The following ADAM23 variants were observed in gnomAD, a reference collection of about 807,000 sequenced individuals.
The protein encoded by ADAM23 is disintegrin and metalloproteinase domain-containing protein 23.
A neutral mutation model predicts 120.1 loss-of-function variants in ADAM23; 33 were observed. The observed-to-expected ratio is 0.27, with a 90% confidence interval of 0.21 to 0.37. The LOEUF is 0.37. Ranked by LOEUF, ADAM23 falls within the 10% of genes least tolerant of loss-of-function variation. The pLI, the probability that ADAM23 is intolerant of heterozygous loss-of-function variation, is 1.00. For synonymous variants in ADAM23, 367 were observed against 375.2 expected, an observed-to-expected ratio of 0.98 and a Z score of 0.25; for missense variants, 862 against 1,058.2, an observed-to-expected ratio of 0.81 and a Z score of 2.57.
At chr2:206,485,504 C>A (rs933122751) in intron 3 of ADAM23, among the ~76,000 whole-genome samples, 4 of 152,202 alleles carry the variant, frequency 2.6e-5, no homozygotes, top group Admixed American at 2.6e-4. Flanking sequence ...ACCATAGAAT[C>A]TTCAGAGTTG....
intron 23 of ADAM23, among the ~76,000 whole-genome samples, chr2:206,595,182 CA>C (rs1698501513): frequency 6.6e-6 from 1 of 152,016 alleles, no homozygotes; most frequent in African/African-American, 2.4e-5. Context: ...TCCATCTCAA[CA>C]ACAACAACAA....
chr2:206,482,168 A>G (rs983701361), intron 3 of ADAM23, among the ~76,000 whole-genome samples: 1 of 152,254 alleles, frequency 6.6e-6, no homozygotes, highest in Non-Finnish European at 1.5e-5. Flanking sequence ...AATTTTTTGT[A>G]TGCCAAATTC....
intron 19 of ADAM23, 125 bp downstream of exon 19, chr2:206,587,500 G>A: frequency 1.5e-6 from 1 of 658,880 alleles, no homozygotes. Context: ...TATTATAGTG[G>A]GATTCTAATT....
intron 3 of ADAM23, among the ~76,000 whole-genome samples, chr2:206,508,066 G>C (rs1033774468): frequency 2.6e-5 from 4 of 151,790 alleles, no homozygotes; most frequent in Non-Finnish European, 5.9e-5. Flanking sequence ...GTCTCGCTCT[G>C]TTTCCCAGGC....
chr2:206,588,830 C>T (rs1698374484), intron 20 of ADAM23, among the ~76,000 whole-genome samples: 1 of 152,176 alleles, frequency 6.6e-6, no homozygotes, highest in Non-Finnish European at 1.5e-5. Context: ...AGGGCTCTGG[C>T]ATGAGTGATT....
chr2:206,547,744 A>G (rs1697429863), intron 7 of ADAM23, among the ~76,000 whole-genome samples: 1 of 152,302 alleles, frequency 6.6e-6, no homozygotes, highest in East Asian at 1.9e-4. Flanking sequence ...AGTGTGGTCA[A>G]ATTTAGTACA....
At chr2:206,576,887 G>A (rs561215988) in intron 18 of ADAM23, among the ~76,000 whole-genome samples, 18 of 152,194 alleles carry the variant, frequency 1.2e-4, no homozygotes, top group African/African-American at 4.1e-4. Flanking sequence ...AATGTTTTTT[G>A]TTAGTGCTAT....
Position 206,443,985 on chromosome 2 carries a change from G to C in ADAM23, c.119G>C (p.Arg40Pro). 3.6e-6 allele frequency: 5 copies of C among 1,378,394 alleles called. No homozygotes were observed. Among genetic ancestry groups the C allele is most frequent in the Non-Finnish European group, 4.7e-6 (5 of 1,062,100 alleles). The allele number at this position is 1,378,394 out of a possible 1,614,324, so 85.4% of individuals were successfully genotyped here. Residue 40 changes from arginine to proline, a missense_variant, in exon 1 of 26, where the codon CGC becomes CCC. Physicochemically the swap from Arg to Pro is moderately radical, Grantham distance 103. This residue lies in a region of ADAM23 where 225 missense variants were observed against 204.0 expected (regional missense o/e 1.10). Coordinates refer to ENST00000264377, the MANE Select transcript of ADAM23 (RefSeq NM_003812.4). ...TCGGTGCCTGCCAGCGCCCCGGCCC[G>C]CACGCCGCCCTGCCGCCTGCTTCTC... The part of the protein sequence containing the change: ...AGSVPASAPA[R>P]TPPCRLLLVL...
At chr2:206,447,307 T>C (rs1028606414) in intron 2 of ADAM23, among the ~76,000 whole-genome samples, 1 of 152,370 alleles carries the variant, frequency 6.6e-6, no homozygotes, top group East Asian at 1.9e-4. Context: ...GAAATCGTAT[T>C]TGAAAGCATT....
chr2:206,597,795 G>C (rs1258539693), intron 24 of ADAM23, among the ~76,000 whole-genome samples: 1 of 152,128 alleles, frequency 6.6e-6, no homozygotes, highest in East Asian at 1.9e-4. Context: ...TTGGATGAAA[G>C]TTTATTGAAA....
At position 206,445,301 on chromosome 2, in the gene ADAM23, C is replaced by CA. The variant is rs748448664; in HGVS notation, c.215-5dup. On this transcript the variant is annotated splice_polypyrimidine_tract_variant and splice_region_variant and intron_variant, in intron 1 of 25. Coordinates refer to ENST00000264377, the MANE Select transcript of ADAM23 (RefSeq NM_003812.4). ...TTCTGCTCCCCCACCCCCCTACCTC[C>CA]ACCAGCTCCGCATTGGAATGAAACT... The CA allele has an allele frequency of 3.1e-6, 5 of 1,612,890 alleles. No individual in the cohort carries two copies. Among genetic ancestry groups the CA allele is most frequent in the Non-Finnish European group, 4.2e-6 (5 of 1,179,014 alleles).
intron 4 of ADAM23, among the ~76,000 whole-genome samples, chr2:206,541,175 A>G (rs1697284030): frequency 6.6e-6 from 1 of 151,512 alleles, no homozygotes; most frequent in South Asian, 2.1e-4. Context: ...CCAAGAAAAA[A>G]ATAAAAATAA....
intron 4 of ADAM23, among the ~76,000 whole-genome samples, 181 bp downstream of exon 4, chr2:206,531,129 T>C (rs185552411): frequency 4.6e-3 from 700 of 152,310 alleles, no homozygotes; most frequent in Middle Eastern, 0.02. Context: ...TAACGTTAGG[T>C]ATTCAGGACA....
intron 2 of ADAM23, among the ~76,000 whole-genome samples, chr2:206,468,467 A>G (rs1251711700): frequency 6.6e-6 from 1 of 152,174 alleles, no homozygotes; most frequent in Admixed American, 6.5e-5. Flanking sequence ...CAGTCCAGCC[A>G]AAGTATAATA....
chr2:206,443,774 C>G lies in ADAM23; in HGVS notation c.-93C>G, dbSNP rs1695009745. The stretch of plus-strand genomic sequence containing the variant: ...CTGCCCGCCGCGGCACCATGCGCGC[C>G]GAGCCGGCGTGACCGGCTCCGCCCG... On this transcript the variant is annotated 5_prime_UTR_variant, in exon 1 of 26. Transcript: ENST00000264377. 1 of 690,898 alleles carries G rather than the reference C, an allele frequency of 1.4e-6. No individual in the cohort carries two copies. Among genetic ancestry groups the G allele is most frequent in the Non-Finnish European group, 1.8e-6 (1 of 560,376 alleles). The allele number at this position is 690,898 out of a possible 1,614,324, so 42.8% of individuals were successfully genotyped here. A position where few individuals can be genotyped will look rare whatever the true frequency, so the allele number is the denominator to read the frequency against.
At chr2:206,588,840 T>C (rs913471216) in intron 20 of ADAM23, among the ~76,000 whole-genome samples, 47 of 152,320 alleles carry the variant, frequency 3.1e-4, no homozygotes, top group African/African-American at 1.1e-3. Context: ...CATGAGTGAT[T>C]TTAGAGTTTG....
intron 9 of ADAM23, among the ~76,000 whole-genome samples, chr2:206,553,044 G>A (rs536648148): frequency 6.6e-6 from 1 of 152,044 alleles, no homozygotes; most frequent in African/African-American, 2.4e-5. Flanking sequence ...AAAAAGAATT[G>A]TAATTTGTAC....
At chr2:206,507,528 A>G (rs986199202) in intron 3 of ADAM23, among the ~76,000 whole-genome samples, 2 of 152,134 alleles carry the variant, frequency 1.3e-5, no homozygotes, top group African/African-American at 4.8e-5. Flanking sequence ...AGATGCCACC[A>G]TGCTTCCTGT....
chr2:206,474,627 T>C (rs967016568), intron 2 of ADAM23, among the ~76,000 whole-genome samples: 1 of 152,166 alleles, frequency 6.6e-6, no homozygotes, highest in African/African-American at 2.4e-5. Context: ...CCAGACTGAG[T>C]GCAGTGGCAT....
Sources: allele counts gnomAD v4.1 joint callset (sites outside exome capture counted in the v4.1 genomes callset), GRCh38; gene constraint gnomAD v4.1.1; regional missense constraint gnomAD v4.1.1; transcripts MANE v1.5; gene names NCBI Gene and HGNC (gene_info 2026-07-23, HGNC 2026-07-21).